SLC8A1: variants seen among roughly 807,000 people sequenced by gnomAD.
SLC8A1 encodes solute carrier family 8 member A1, also known as sodium/calcium exchanger 1.
In SLC8A1, 18 loss-of-function variants were observed where a neutral mutation model predicts 68.3. The ratio of observed to expected loss-of-function variants is 0.26; its 90% CI spans 0.18 to 0.39. The LOEUF is 0.39. Ranked by LOEUF, SLC8A1 falls within the 10% of genes least tolerant of loss-of-function variation. The probability of loss-of-function intolerance (pLI) is 1.00; values close to 1 mark genes in which losing one functional copy is unlikely to be tolerated. For missense variants in SLC8A1, 985 were observed against 1,156.7 expected, an observed-to-expected ratio of 0.85 and a Z score of 2.15; for synonymous variants, 475 against 415.5, an observed-to-expected ratio of 1.14 and a Z score of -1.74.
intron 1 of SLC8A1, among the ~76,000 whole-genome samples, chr2:40,466,508 G>A (rs1703683562): frequency 1.3e-5 from 2 of 152,180 alleles, no homozygotes; most frequent in Admixed American, 1.3e-4. Context: ...AAAATATGTA[G>A]TTTCAGTTCT....
chr2:40,401,287 G>A (rs937160258), intron 2 of SLC8A1, among the ~76,000 whole-genome samples: 2 of 152,058 alleles, frequency 1.3e-5, no homozygotes, highest in Admixed American at 6.5e-5. Context: ...CTTCAAACAC[G>A]CTACAAGTTT....
chr2:40,507,590 C>T (rs13029763), intron 1 of SLC8A1, among the ~76,000 whole-genome samples: 69 of 151,998 alleles, frequency 4.5e-4, no homozygotes, highest in African/African-American at 1.5e-3. Context: ...TTAAAAGGCA[C>T]GGAAATGACT....
chr2:40,451,736 A>ATC (rs1437141151), intron 1 of SLC8A1, among the ~76,000 whole-genome samples, 168 bp downstream of exon 1: 9 of 46,414 alleles, frequency 1.9e-4, no homozygotes, highest in Middle Eastern at 0.013. Context: ...CACACACCAC[A>ATC]TCACACACAC....
At chr2:40,225,240 CTG>C (rs2058823664) in intron 2 of SLC8A1, among the ~76,000 whole-genome samples, 4 of 152,134 alleles carry the variant, frequency 2.6e-5, no homozygotes, top group Admixed American at 2.6e-4. Flanking sequence ...AGTTGTGTGA[CTG>C]TGGGCATACG....
At chr2:40,445,737 A>C (rs1337216671) in intron 1 of SLC8A1, among the ~76,000 whole-genome samples, 1 of 152,212 alleles carries the variant, frequency 6.6e-6, no homozygotes, top group Non-Finnish European at 1.5e-5. Context: ...GGGAGGAGTC[A>C]GGGGAAAAGA....
chr2:40,163,606 C>T (rs1266643091), intron 5 of SLC8A1, among the ~76,000 whole-genome samples: 2 of 152,176 alleles, frequency 1.3e-5, no homozygotes, highest in East Asian at 1.9e-4. Context: ...GGTTGTGCAA[C>T]AAGCCAAGTT....
At chr2:40,165,111 T>C (rs2046329236) in intron 4 of SLC8A1, 127 bp from the exon 8 acceptor site, 1 of 1,152,892 alleles carries the variant, frequency 8.7e-7, no homozygotes, top group African/African-American at 1.5e-5. Context: ...CTGGGTGAGA[T>C]CACGATGCTG....
rs562153828 is a variant in SLC8A1, at chr2:40,350,817, G to A, written c.1808+77656C>T. Among the ~76,000 whole-genome samples, 3 of 152,156 alleles carry A rather than the reference G, an allele frequency of 2.0e-5. No individual in the cohort carries two copies. In the East Asian group the frequency reaches 5.8e-4, roughly 29 times the overall value. On this transcript the variant is annotated intron_variant, in intron 2 of 7. Coordinates refer to ENST00000406785, the Ensembl canonical transcript of SLC8A1. ...TGCCTAGAATGAGCCAGAATGTGTA[G>A]TAGGCACTCTATATAAATTATCTAT...
chr2:40,383,956 T>C lies in SLC8A1; in HGVS notation c.1808+44517A>G, dbSNP rs115847575. On this transcript the variant is annotated intron_variant, in intron 2 of 7. Transcript: ENST00000406785. The stretch of plus-strand genomic sequence containing the variant: ...CATCTGCGAACTTTACAATTCACTA[T>C]AAAGTAATAAATGGTAAGCACTGGC... Among the ~76,000 whole-genome samples, 992 of 152,234 alleles carry C rather than the reference T, an allele frequency of 6.5e-3. 6 individuals carry two copies. The highest frequency in any genetic ancestry group is 0.01 in the Middle Eastern group (3 of 294).
chr2:40,429,269 G>A, exon 2 of SLC8A1: 1 of 1,613,848 alleles, frequency 6.2e-7, no homozygotes, highest in Non-Finnish European at 8.5e-7. Context: ...TCTTTATCTG[G>A]ATGCTTCTGC....
intron 2 of SLC8A1, among the ~76,000 whole-genome samples, chr2:40,328,895 C>T (rs752906940): frequency 6.6e-6 from 1 of 152,064 alleles, no homozygotes; most frequent in East Asian, 1.9e-4. Context: ...TTACCAGTTG[C>T]CTTTTAAGAG....
At chr2:40,128,988 G>C (rs1205573086) in intron 7 of SLC8A1, among the ~76,000 whole-genome samples, 3 of 152,308 alleles carry the variant, frequency 2.0e-5, no homozygotes, top group African/African-American at 7.2e-5. Flanking sequence ...AGAGGGTGGA[G>C]ATGAGGATTA....
At chr2:40,451,247 T>A (rs142022132) in intron 1 of SLC8A1, among the ~76,000 whole-genome samples, 54 of 152,252 alleles carry the variant, frequency 3.5e-4, no homozygotes, top group Non-Finnish European at 4.6e-4. Context: ...AAGATGCCTG[T>A]GTGTGCAGAA....
rs147564292 is a variant in SLC8A1 at position 40,377,327 on chromosome 2, T to G, written c.1808+51146A>C. Among the ~76,000 whole-genome samples, 4 of 152,178 alleles carry G rather than the reference T, an allele frequency of 2.6e-5. No homozygotes were observed. The East Asian group carries it at 5.8e-4, about 22-fold the overall frequency. On this transcript the variant is annotated intron_variant, in intron 2 of 7. Transcript: ENST00000406785. ...TTTGAAGAGGACCCCAAGCATCACA[T>G]AAGACCCCAGCCTTGGCCAATACCT...
chr2:40,154,897 T>C (rs910310263), intron 6 of SLC8A1, among the ~76,000 whole-genome samples: 7 of 152,274 alleles, frequency 4.6e-5, no homozygotes, highest in African/African-American at 1.7e-4. Context: ...ACTCCTTGGC[T>C]CAAGTGAGAA....
chr2:40,374,189 G>A (rs1005051828), intron 2 of SLC8A1, among the ~76,000 whole-genome samples: 1 of 152,042 alleles, frequency 6.6e-6, no homozygotes, highest in Non-Finnish European at 1.5e-5. Flanking sequence ...GTCACTTTGT[G>A]CTCAGGTGAA....
At chr2:40,397,885 A>T (rs1161061429) in intron 2 of SLC8A1, among the ~76,000 whole-genome samples, 1 of 152,200 alleles carries the variant, frequency 6.6e-6, no homozygotes, top group African/African-American at 2.4e-5. Context: ...CTCTGAATGC[A>T]GACCTGACAC....
intron 2 of SLC8A1, among the ~76,000 whole-genome samples, chr2:40,287,355 T>C (rs1049051176): frequency 2.0e-5 from 3 of 152,140 alleles, no homozygotes; most frequent in South Asian, 2.1e-4. Flanking sequence ...CCAAAATATG[T>C]TGGCAGCAGT....
At chr2:40,497,906 T>TA in intron 1 of SLC8A1, among the ~76,000 whole-genome samples, 1 of 151,988 alleles carries the variant, frequency 6.6e-6, no homozygotes, top group East Asian at 1.9e-4. Context: ...TGGGGAATAG[T>TA]AGGGAGCAGC....
Sources: allele counts gnomAD v4.1 joint callset (sites outside exome capture counted in the v4.1 genomes callset), GRCh38; gene constraint gnomAD v4.1.1; transcripts MANE v1.5; gene names NCBI Gene and HGNC (gene_info 2026-07-23, HGNC 2026-07-21).